Variants in DDX4 observed in about 807,000 individuals in gnomAD.
DDX4 encodes probable ATP-dependent RNA helicase DDX4.
A neutral mutation model predicts 100.0 loss-of-function variants in DDX4; 25 were observed. The observed-to-expected ratio is 0.25, with a 90% CI of 0.18 to 0.35. The LOEUF is 0.35. DDX4 is among the 10% of genes least tolerant of loss of function. The pLI, the probability that DDX4 is intolerant of heterozygous loss-of-function variation, is 1.00. For synonymous variants in DDX4, 259 were observed against 275.7 expected, an observed-to-expected ratio of 0.94 and a Z score of 0.60; for missense variants, 635 against 882.4, an observed-to-expected ratio of 0.72 and a Z score of 3.55.
chr5:55,771,370 A>G (rs1192461442), intron 7 of DDX4, among the ~76,000 whole-genome samples: 1 of 152,160 alleles, frequency 6.6e-6, no homozygotes, highest in Non-Finnish European at 1.5e-5. Context: ...GTCTATTTTT[A>G]TACTTGGTAT....
intron 14 of DDX4, among the ~76,000 whole-genome samples, chr5:55,786,873 C>T (rs1038288378): frequency 6.6e-6 from 1 of 152,220 alleles, no homozygotes; most frequent in Non-Finnish European, 1.5e-5. Flanking sequence ...GGTGGTGTTG[C>T]TGTCCATAGA....
intron 17 of DDX4, among the ~76,000 whole-genome samples, chr5:55,795,439 A>T (rs1742871313): frequency 2.0e-5 from 3 of 152,078 alleles, no homozygotes; most frequent in East Asian, 1.9e-4. Flanking sequence ...AATCGTGGTG[A>T]TTCTTCTCTC....
At position 55,767,889 on chromosome 5, in the gene DDX4, A is replaced by T. The variant is rs143793571; in HGVS notation, c.343A>T (p.Asn115Tyr). The T allele has an allele frequency of 3.1e-6, 5 of 1,613,612 alleles. No homozygotes were observed. Among genetic ancestry groups the T allele is most frequent in the Non-Finnish European group, 4.2e-6 (5 of 1,179,730 alleles). Residue 115 changes from asparagine to tyrosine, a missense_variant, in exon 7 of 22, where the codon AAT becomes TAT. Physicochemically the swap from Asn to Tyr is moderately radical, Grantham distance 143 (BLOSUM62 -2). Coordinates refer to ENST00000505374, the MANE Select transcript of DDX4 (RefSeq NM_024415.3). ...DSSGFWRESS[N>Y]DCEDNPTRNR... ...TTAAATTTTTATTGAAGAGTCTAGT[A>T]ATGACTGCGAAGATAATCCAACACG...
intron 18 of DDX4, among the ~76,000 whole-genome samples, chr5:55,806,648 T>C (rs1743744126): frequency 6.6e-6 from 1 of 152,276 alleles, no homozygotes; most frequent in South Asian, 2.1e-4. Context: ...AGTGAGTTTC[T>C]TAATCCTGAG....
rs572575549 is a variant in DDX4 at position 55,752,955 on chromosome 5, T to C, written c.127+6734T>C. 6.8e-4 allele frequency among the ~76,000 whole-genome samples: 104 copies of C among 151,968 alleles called. 1 individual carries two copies. The East Asian group carries it at 0.016, about 24-fold the overall frequency. On this transcript the variant is annotated intron_variant, in intron 3 of 21. Transcript: ENST00000505374. ...GCCAGTGATGGTGAGCATTTTTTCA[T>C]GTGGTTTTTGGCTGCATAAATGTCT...
intron 7 of DDX4, among the ~76,000 whole-genome samples, chr5:55,778,091 T>C (rs570519975): frequency 1.7e-4 from 26 of 152,302 alleles, no homozygotes; most frequent in African/African-American, 6.0e-4. Context: ...AATTTGATCA[T>C]CTTTTAAGGA....
chr5:55,744,570 A>G (rs902443190), intron 2 of DDX4, among the ~76,000 whole-genome samples: 2 of 152,242 alleles, frequency 1.3e-5, no homozygotes, highest in Admixed American at 6.5e-5. Flanking sequence ...GCATTCAGCT[A>G]TTGATTTTAT....
In DDX4 at chr5:55,751,383, A is replaced by C. The variant is rs148330910; in HGVS notation, c.127+5162A>C. Reference sequence around the variant, plus strand: ...TGGGTAGCTGGGACTACAGACTTGCACCACCATGTCTGGCTGATTTTTAAA... The same window carrying C: ...TGGGTAGCTGGGACTACAGACTTGCCCCACCATGTCTGGCTGATTTTTAAA... On this transcript the variant is annotated intron_variant, in intron 3 of 21. Transcript: ENST00000505374. Among the ~76,000 whole-genome samples, 761 of 152,168 alleles carry C rather than the reference A, an allele frequency of 5.0e-3. 2 individuals are homozygous for C. Among genetic ancestry groups the C allele is most frequent in the Non-Finnish European group, 8.9e-3 (604 of 67,980 alleles).
At chr5:55,742,167 A>C (rs1262432506) in intron 2 of DDX4, 1 of 456,202 alleles carries the variant, frequency 2.2e-6, no homozygotes, top group Non-Finnish European at 4.4e-6. Context: ...ATAATGTGGC[A>C]ATTATATAGT....
intron 7 of DDX4, among the ~76,000 whole-genome samples, chr5:55,778,329 G>T (rs887461638): frequency 2.0e-5 from 3 of 152,074 alleles, no homozygotes; most frequent in Admixed American, 6.6e-5. Context: ...AGCCTTAAAT[G>T]CATCAGAGAA....
intron 11 of DDX4, 50 bp from the exon 12 acceptor site, chr5:55,785,397 C>A (rs1742182347): frequency 1.3e-6 from 2 of 1,586,630 alleles, no homozygotes; most frequent in Non-Finnish European, 1.7e-6. Context: ...GTTCTTTTAC[C>A]TTTCAATTTT....
intron 7 of DDX4, among the ~76,000 whole-genome samples, chr5:55,773,382 G>A (rs149997774): frequency 1.9e-3 from 292 of 152,322 alleles, no homozygotes; most frequent in African/African-American, 4.8e-3. Flanking sequence ...ATGTGAACCT[G>A]TGTTTTCATT....
intron 6 of DDX4, among the ~76,000 whole-genome samples, chr5:55,764,983 C>A (rs1384564525): frequency 2.6e-5 from 4 of 152,138 alleles, no homozygotes; most frequent in Admixed American, 6.5e-5. Context: ...GACCTGATCA[C>A]CTTAAAACAC....
intron 6 of DDX4, chr5:55,767,015 T>G (rs774845268): frequency 1.3e-6 from 2 of 1,501,080 alleles, no homozygotes; most frequent in South Asian, 1.3e-5. Context: ...ACTACTATTT[T>G]AAAACTCTGG....
chr5:55,804,680 A>G (rs1055315736), intron 18 of DDX4, among the ~76,000 whole-genome samples: 2 of 152,002 alleles, frequency 1.3e-5, no homozygotes, highest in African/African-American at 4.8e-5. Context: ...CCATTGATCT[A>G]TATCTCTGTT....
At position 55,786,562 on chromosome 5, in the gene DDX4, T is replaced by A. The variant is rs1281690301; in HGVS notation, c.909T>A (p.Ile303=). Residue 303 remains isoleucine (I), a synonymous_variant, in exon 14 of 22, where the codon ATT becomes ATA. Coordinates refer to ENST00000505374, the MANE Select transcript of DDX4 (RefSeq NM_024415.3). ...TCTGTCAGACACTGAATAACAACAT[T>A]GCTAAAGCTGGTTATACTAAGCTTA... ...ANLCQTLNNN[I]AKAGYTKLTP... The A allele has an allele frequency of 4.3e-6, 7 of 1,613,180 alleles. No individual in the cohort carries two copies. The Admixed American group carries it at 6.7e-5, about 15-fold the overall frequency.
At chr5:55,769,977 G>A (rs1741156666) in intron 7 of DDX4, among the ~76,000 whole-genome samples, 1 of 150,726 alleles carries the variant, frequency 6.6e-6, no homozygotes, top group South Asian at 2.1e-4. Context: ...AGTGATTCTT[G>A]TGCCTTTACC....
At chr5:55,769,286 T>C (rs1161508289) in intron 7 of DDX4, among the ~76,000 whole-genome samples, 1 of 152,148 alleles carries the variant, frequency 6.6e-6, no homozygotes, top group Non-Finnish European at 1.5e-5. Context: ...TGGAGTTGAT[T>C]TTTGTATGCG....
At chr5:55,772,939 A>AT (rs1741343791) in intron 7 of DDX4, 1 of 152,174 alleles carries the variant, frequency 6.6e-6, no homozygotes, top group African/African-American at 2.4e-5. Flanking sequence ...ATTGCCTGTT[A>AT]TTTTTAGTCC....
Sources: gnomAD v4.1 joint callset for allele counts (sites outside exome capture counted in the v4.1 genomes callset) on GRCh38, gnomAD v4.1.1 for gene constraint, MANE v1.5 for transcripts, NCBI Gene and HGNC (gene_info 2026-07-23, HGNC 2026-07-21) for gene names.